The following PHLDB2 variants were observed in gnomAD, a reference collection of about 807,000 sequenced individuals.
The protein encoded by PHLDB2 is pleckstrin homology like domain family B member 2, also known as pleckstrin homology-like domain family B member 2.
In PHLDB2, 71 loss-of-function variants were observed where a neutral mutation model predicts 123.6. The ratio of observed to expected loss-of-function variants is 0.57; its 90% CI spans 0.47 to 0.70. PHLDB2 has a LOEUF of 0.70. Ranked by LOEUF, PHLDB2 falls within the 30% of genes least tolerant of loss-of-function variation. PHLDB2 has a pLI of 0.00. For synonymous variants in PHLDB2, 547 were observed against 541.6 expected (o/e 1.01, Z -0.14); for missense variants, 1,446 against 1,519.5 (o/e 0.95, Z 0.80).
chr3:111,811,310 C>T (rs1049761294), intron 1 of PHLDB2, among the ~76,000 whole-genome samples: 2 of 152,008 alleles, frequency 1.3e-5, no homozygotes, highest in Admixed American at 6.6e-5. Flanking sequence ...TAGGAGAGTC[C>T]AAGTCTCTTC....
chr3:111,759,722 C>G (rs1455159720), intron 1 of PHLDB2, among the ~76,000 whole-genome samples: 1 of 152,040 alleles, frequency 6.6e-6, no homozygotes, highest in East Asian at 1.9e-4. Context: ...AATTTTTATC[C>G]CCAATTTATA....
intron 1 of PHLDB2, among the ~76,000 whole-genome samples, chr3:111,792,713 AAAAAACAAAAAC>A (rs2060982456): frequency 6.6e-6 from 1 of 152,168 alleles, no homozygotes; most frequent in Non-Finnish European, 1.5e-5. Context: ...TCTCAAATTA[AAAAAACAAAAAC>A]AAAAAGAAAA....
intron 1 of PHLDB2, 74 bp from the exon 2 acceptor site, chr3:111,883,990 G>A: frequency 7.3e-7 from 1 of 1,374,352 alleles, no homozygotes; most frequent in Non-Finnish European, 9.9e-7. Context: ...TGTTTGTTCA[G>A]ATGTAGGCCT....
At chr3:111,748,192 C>T (rs1204013847) in intron 1 of PHLDB2, among the ~76,000 whole-genome samples, 2 of 152,182 alleles carry the variant, frequency 1.3e-5, no homozygotes, top group Non-Finnish European at 1.5e-5. Flanking sequence ...GTTTAAGAGG[C>T]TACCATTGGC....
At chr3:111,964,190 A>C (rs1040955628) in intron 13 of PHLDB2, among the ~76,000 whole-genome samples, 10 of 152,166 alleles carry the variant, frequency 6.6e-5, no homozygotes, top group Non-Finnish European at 5.9e-5. Flanking sequence ...GTGTAAAGCA[A>C]CTGTGGAAAA....
rs147031657 is a variant in PHLDB2, at chr3:111,924,355, C to T, written c.2001+3936C>T. 2.7e-3 allele frequency among the ~76,000 whole-genome samples: 406 copies of T among 152,398 alleles called. 1 individual carries two copies. Among genetic ancestry groups the T allele is most frequent in the African/African-American group, 9.0e-3 (375 of 41,602 alleles). ...GAGGGCACTAGGGCACTGTGATCCA[C>T]TGTTTATCCAGCCCGTAGCATGTGC... On this transcript the variant is annotated intron_variant, in intron 5 of 17. Coordinates refer to ENST00000431670, the MANE Select transcript of PHLDB2 (RefSeq NM_001134438.2).
intron 1 of PHLDB2, among the ~76,000 whole-genome samples, chr3:111,791,118 C>G (rs1326102912): frequency 1.3e-5 from 2 of 152,146 alleles, no homozygotes; most frequent in East Asian, 3.8e-4. Context: ...TCCAGATTTT[C>G]AGAATTATAA....
chr3:111,827,331 T>G, intron 1 of PHLDB2, among the ~76,000 whole-genome samples: 1 of 152,326 alleles, frequency 6.6e-6, no homozygotes, highest in East Asian at 1.9e-4. Context: ...CCTAAGCTCT[T>G]ACCACACCCG....
At chr3:111,745,282 G>GA (rs1576495493) in intron 1 of PHLDB2, among the ~76,000 whole-genome samples, 1 of 152,068 alleles carries the variant, frequency 6.6e-6, no homozygotes, top group Non-Finnish European at 1.5e-5. Context: ...GTGGAAATGT[G>GA]AAAAAACAGA....
intron 2 of PHLDB2, chr3:111,846,143 T>G (rs983771708): frequency 5.9e-6 from 3 of 510,078 alleles, no homozygotes; most frequent in African/African-American, 3.8e-5. Context: ...TGAAGTCATA[T>G]GCTGAGGTTT....
chr3:111,932,120 C>T (rs769838551), intron 5 of PHLDB2, 149 bp from the exon 6 acceptor site: 1 of 828,342 alleles, frequency 1.2e-6, no homozygotes, highest in Admixed American at 3.0e-5. Flanking sequence ...ATCCCTTTAT[C>T]CTAGCCACTA....
Position 111,962,226 on chromosome 3 carries a change from G to C in PHLDB2, c.2991G>C (p.Lys997Asn), listed in dbSNP as rs373362783. The stretch of plus-strand genomic sequence containing the variant: ...TCCATTATCCAGATCACAGCTACAA[G>C]GACCAGGCCTTTGATACTCTGAGCC... ...NSFHYPDHSY[K>N]DQAFDTLSLD... The change falls in exon 13 of 18, where the codon AAG becomes AAC. Residue 997 changes from lysine to asparagine, a missense_variant. Lys to Asn is a moderately conservative substitution (Grantham distance 94). Transcript: ENST00000431670. The C allele has an allele frequency of 5.6e-5, 89 of 1,579,908 alleles. No individual in the cohort carries two copies. Among genetic ancestry groups the C allele is most frequent in the Middle Eastern group, 1.7e-4 (1 of 5,968 alleles).
rs2068756644 is a variant in PHLDB2, at chr3:111,925,379, C to T, written c.2001+4960C>T. On this transcript the variant is annotated intron_variant, in intron 5 of 17. Transcript: ENST00000431670. Reference sequence around the variant, plus strand: ...GGCCTTTTATTACCCTTAGGGGTACCACTGTTACGAACATCAATAACCCTG... The same window carrying T: ...GGCCTTTTATTACCCTTAGGGGTACTACTGTTACGAACATCAATAACCCTG... 2.0e-5 allele frequency among the ~76,000 whole-genome samples: 3 copies of T among 152,182 alleles called. No homozygotes were observed. In the South Asian group the frequency reaches 6.2e-4, roughly 32 times the overall value.
chr3:111,778,145 A>G (rs947994299), intron 1 of PHLDB2: 1 of 152,040 alleles, frequency 6.6e-6, no homozygotes, highest in Admixed American at 6.6e-5. Flanking sequence ...TCATGTGTAG[A>G]GTCATAACCA....
At chr3:111,915,101 A>G (rs1183759105) in intron 3 of PHLDB2, 1 of 152,202 alleles carries the variant, frequency 6.6e-6, no homozygotes, top group East Asian at 1.9e-4. Context: ...AGATTTACTT[A>G]TTTAGGAATA....
At chr3:111,795,365 G>A (rs1252122810) in intron 1 of PHLDB2, among the ~76,000 whole-genome samples, 1 of 152,074 alleles carries the variant, frequency 6.6e-6, no homozygotes, top group Non-Finnish European at 1.5e-5. Flanking sequence ...AGTGCACATT[G>A]TCCAAGACCT....
At chr3:111,774,922 G>C (rs1338490003) in intron 1 of PHLDB2, among the ~76,000 whole-genome samples, 2 of 152,108 alleles carry the variant, frequency 1.3e-5, no homozygotes, top group East Asian at 1.9e-4. Context: ...TCGATGGATT[G>C]GATTCTGCCT....
intron 9 of PHLDB2, among the ~76,000 whole-genome samples, chr3:111,946,905 T>TG (rs1301753107): frequency 1.3e-5 from 2 of 152,232 alleles, no homozygotes; most frequent in Non-Finnish European, 2.9e-5. Context: ...TGGCTTGAAT[T>TG]GGAGGATGGC....
At chr3:111,860,716 C>A (rs183076465) in intron 1 of PHLDB2, among the ~76,000 whole-genome samples, 1 of 152,178 alleles carries the variant, frequency 6.6e-6, no homozygotes, top group Non-Finnish European at 1.5e-5. Flanking sequence ...GTAAACTACC[C>A]GTGGCTGGAA....
Sources: allele counts gnomAD v4.1 joint callset (sites outside exome capture counted in the v4.1 genomes callset), GRCh38; gene constraint gnomAD v4.1.1; transcripts MANE v1.5; gene names NCBI Gene and HGNC (gene_info 2026-07-23, HGNC 2026-07-21).